The following CPSF6 variants were observed in gnomAD, a reference collection of about 807,000 sequenced individuals.
CPSF6 encodes the protein cleavage and polyadenylation specificity factor subunit 6.
In CPSF6, 10 loss-of-function variants were observed where a neutral mutation model predicts 56.7. The ratio of observed to expected loss-of-function variants is 0.18; its 90% CI spans 0.11 to 0.30. The LOEUF (loss-of-function observed/expected upper bound fraction) is 0.30, where lower values mean the gene tolerates loss of function less well. Ranked by LOEUF, CPSF6 falls within the 10% of genes least tolerant of loss-of-function variation. CPSF6 has a pLI of 1.00. For missense variants in CPSF6, 419 were observed against 722.9 expected, an observed-to-expected ratio of 0.58 and a Z score of 4.82; for synonymous variants, 248 against 244.8, an observed-to-expected ratio of 1.01 and a Z score of -0.12.
intron 1 of CPSF6, among the ~76,000 whole-genome samples, chr12:69,240,995 A>T (rs996761580): frequency 1.3e-5 from 2 of 152,222 alleles, no homozygotes; most frequent in Admixed American, 1.3e-4. Flanking sequence ...ATTACTGGCT[A>T]ATGTGGTTTT....
chr12:69,271,517 T>G lies in CPSF6; in HGVS notation c.*2009T>G, dbSNP rs964234290. 6.6e-6 allele frequency: 1 copy of G among 151,742 alleles called. No individual in the cohort carries two copies. Among genetic ancestry groups the G allele is most frequent in the African/African-American group, 2.4e-5 (1 of 41,422 alleles). The allele number at this position is 151,742 out of a possible 1,614,324, so 9.4% of individuals were successfully genotyped here. On this transcript the variant is annotated 3_prime_UTR_variant, in exon 10 of 10. Transcript: ENST00000435070. ...GGAAATTTTATACTAATTAAATCCT[T>G]TATTTACCTTTTCATATTTTATCAA...
chr12:69,246,430 C>A (rs1209352381), intron 1 of CPSF6, among the ~76,000 whole-genome samples: 3 of 152,102 alleles, frequency 2.0e-5, no homozygotes, highest in Non-Finnish European at 4.4e-5. Flanking sequence ...GAACTCTTCT[C>A]TATTTTGTTA....
chr12:69,257,842 G>A lies in CPSF6; in HGVS notation c.631G>A (p.Val211Ile). The A allele has an allele frequency of 6.2e-7, 1 of 1,612,328 alleles. No homozygotes were observed. The highest frequency in any genetic ancestry group is 8.5e-7 in the Non-Finnish European group (1 of 1,179,540). The change falls in exon 5 of 10, where the codon GTT becomes ATT. Residue 211 changes from valine to isoleucine, a missense_variant. This residue lies in a region of CPSF6 where 211 missense variants were observed against 296.0 expected (regional missense o/e 0.71). Coordinates refer to ENST00000435070, the MANE Select transcript of CPSF6 (RefSeq NM_007007.3). ...AGGACGGGGCCGTTTTCCAGGGGCT[G>A]TTCCTGGTGGGGACAGATTTCCTGG... is the stretch of plus-strand genomic sequence containing the variant. Reference protein sequence around the residue: ...GRGRGRFPGAVPGGDRFPGPA... With the variant: ...GRGRGRFPGAIPGGDRFPGPA...
At position 69,271,803 on chromosome 12, in the gene CPSF6, G is replaced by A. The variant is rs1873258511; in HGVS notation, c.*2295G>A. 2 of 151,670 alleles carry A rather than the reference G, an allele frequency of 1.3e-5. No individual in the cohort carries two copies. Among genetic ancestry groups the A allele is most frequent in the South Asian group, 4.2e-4 (2 of 4,818 alleles). The allele number at this position is 151,670 out of a possible 1,614,324, so 9.4% of individuals were successfully genotyped here. On this transcript the variant is annotated 3_prime_UTR_variant, in exon 10 of 10. Coordinates refer to ENST00000435070, the MANE Select transcript of CPSF6 (RefSeq NM_007007.3). ...TTTGTTCTTCATACCCCCTTCAGTT[G>A]TTTATGGGTTAATGTTATTTGAAAA...
chr12:69,264,737 T>C (rs905175173), intron 9 of CPSF6, among the ~76,000 whole-genome samples: 2 of 152,190 alleles, frequency 1.3e-5, no homozygotes, highest in Non-Finnish European at 2.9e-5. Context: ...AACAGTATTG[T>C]GGATGTAGAC....
intron 7 of CPSF6, 70 bp downstream of exon 7, chr12:69,259,613 T>A (rs1203686675): frequency 6.2e-6 from 8 of 1,280,390 alleles, no homozygotes; most frequent in Non-Finnish European, 8.7e-6. Context: ...GTAAGTACAA[T>A]CTAGAAGATA....
At chr12:69,240,510 G>A (rs1428413339) in intron 1 of CPSF6, among the ~76,000 whole-genome samples, 1 of 152,122 alleles carries the variant, frequency 6.6e-6, no homozygotes, top group Admixed American at 6.6e-5. Flanking sequence ...AGTGGCCGGG[G>A]ACCAAAAGGA....
intron 9 of CPSF6, among the ~76,000 whole-genome samples, chr12:69,266,294 T>A (rs1872980114): frequency 6.6e-6 from 1 of 152,208 alleles, no homozygotes; most frequent in South Asian, 2.1e-4. Flanking sequence ...CTAGCTTTCA[T>A]TGCTTTAGCT....
intron 1 of CPSF6, among the ~76,000 whole-genome samples, chr12:69,248,467 G>T (rs1872030188): frequency 6.6e-6 from 1 of 152,138 alleles, no homozygotes; most frequent in South Asian, 2.1e-4. Context: ...AACACCCCTT[G>T]TGGGAAACTT....
chr12:69,240,583 G>A (rs571542683), intron 1 of CPSF6, among the ~76,000 whole-genome samples: 2 of 152,254 alleles, frequency 1.3e-5, no homozygotes. Context: ...AGATCTCATA[G>A]TGATTAAAAT....
At chr12:69,266,775 A>G (rs917553274) in intron 9 of CPSF6, among the ~76,000 whole-genome samples, 2 of 152,096 alleles carry the variant, frequency 1.3e-5, no homozygotes, top group African/African-American at 4.8e-5. Context: ...TTTTCTTTGA[A>G]TGTGATTAAG....
At chr12:69,245,319 C>A (rs1280198333) in intron 1 of CPSF6, among the ~76,000 whole-genome samples, 1 of 152,080 alleles carries the variant, frequency 6.6e-6, no homozygotes, top group East Asian at 1.9e-4. Flanking sequence ...AATTTTTCAG[C>A]TCCATTATAA....
intron 1 of CPSF6, among the ~76,000 whole-genome samples, chr12:69,250,672 A>C (rs1159019242): frequency 2.0e-5 from 3 of 150,294 alleles, no homozygotes; most frequent in African/African-American, 7.4e-5. Flanking sequence ...TTTGAGATGA[A>C]GTCTTGCTCT....
intron 3 of CPSF6, among the ~76,000 whole-genome samples, chr12:69,254,547 CCT>C (rs1872415427): frequency 6.6e-6 from 1 of 152,178 alleles, no homozygotes; most frequent in Non-Finnish European, 1.5e-5. Flanking sequence ...TTTGTTGTCT[CCT>C]CTTCCAAGCC....
Position 69,274,206 on chromosome 12 carries a change from A to G in CPSF6, c.*4698A>G, listed in dbSNP as rs1001457904. 3.3e-5 allele frequency: 5 copies of G among 149,760 alleles called. No homozygotes were observed. The highest frequency in any genetic ancestry group is 1.3e-4 in the Admixed American group (2 of 14,870). 9.3% of individuals were successfully genotyped at this position (149,760 alleles called of 1,614,324 possible). On this transcript the variant is annotated 3_prime_UTR_variant, in exon 10 of 10. Transcript: ENST00000435070. ...TTTTATTAAAATGTTTGTAATTGCAATTTTGTGTTTAATGTTTACTTTGTC... is the reference window on the plus strand; with the variant it reads ...TTTTATTAAAATGTTTGTAATTGCAGTTTTGTGTTTAATGTTTACTTTGTC...
chr12:69,262,561 A>G lies in CPSF6; in HGVS notation c.*2A>G. On this transcript the variant is annotated splice_region_variant and 3_prime_UTR_variant, in exon 9 of 10. Coordinates refer to ENST00000435070, the MANE Select transcript of CPSF6 (RefSeq NM_007007.3). The stretch of plus-strand genomic sequence containing the variant: ...GAGCGCGAATATCGTCATCGTTAGA[A>G]GGTGGGTATTCCTTGTTCCCTGTTA... The G allele has an allele frequency of 6.2e-7, 1 of 1,609,542 alleles. No homozygotes were observed.
At chr12:69,249,224 T>C (rs955136175) in intron 1 of CPSF6, among the ~76,000 whole-genome samples, 1 of 134,018 alleles carries the variant, frequency 7.5e-6, no homozygotes, top group African/African-American at 2.9e-5. Flanking sequence ...TGAGCCGAGA[T>C]TGCGCCACTG....
Position 69,239,598 on chromosome 12 carries a change from C to T in CPSF6, c.-49C>T, listed in dbSNP as rs758267057. The stretch of plus-strand genomic sequence containing the variant: ...GATCCGCTGCTGCTGCCGCGGCGGG[C>T]AGACCTGCAGGAGGCGGCGGCGGCG... On this transcript the variant is annotated 5_prime_UTR_variant, in exon 1 of 10. Transcript: ENST00000435070. 1.8e-5 allele frequency: 28 copies of T among 1,522,950 alleles called. No homozygotes were observed. The East Asian group carries it at 1.9e-4, about 11-fold the overall frequency. The allele number at this position is 1,522,950 out of a possible 1,614,324, so 94.3% of individuals were successfully genotyped here.
chr12:69,244,541 A>C (rs1215425460), intron 1 of CPSF6, among the ~76,000 whole-genome samples: 2 of 151,726 alleles, frequency 1.3e-5, no homozygotes, highest in African/African-American at 4.8e-5. Context: ...TTTTCTATTA[A>C]ATTTTTTTTT....
Sources: allele counts gnomAD v4.1 joint callset (sites outside exome capture counted in the v4.1 genomes callset), GRCh38; gene constraint gnomAD v4.1.1; regional missense constraint gnomAD v4.1.1; transcripts MANE v1.5; gene names NCBI Gene and HGNC (gene_info 2026-07-23, HGNC 2026-07-21).